GALNS: variants seen among roughly 807,000 people sequenced by gnomAD.
The protein encoded by GALNS is N-acetylgalactosamine-6-sulfatase.
In GALNS, 65 loss-of-function variants were observed where a neutral mutation model predicts 65.9. The ratio of observed to expected loss-of-function variants is 0.99; its 90% CI spans 0.81 to 1.21. The LOEUF (loss-of-function observed/expected upper bound fraction) is 1.21. Among genes scored for constraint, GALNS ranks in the 50% most tolerant of loss-of-function variants. The probability of loss-of-function intolerance (pLI) is 0.00; values close to 1 mark genes in which losing one functional copy is unlikely to be tolerated. For missense variants in GALNS, 776 were observed against 700.7 expected (o/e 1.11, Z -1.21); for synonymous variants, 346 against 288.9 (o/e 1.20, Z -2.00).
intron 1 of GALNS, among the ~76,000 whole-genome samples, chr16:88,850,962 G>A (rs750401351): frequency 6.6e-6 from 1 of 152,228 alleles, no homozygotes; most frequent in East Asian, 1.9e-4. Context: ...CGCCAGCCGA[G>A]GGCAAAAACC....
chr16:88,852,569 G>A (rs960236292), intron 1 of GALNS, among the ~76,000 whole-genome samples: 2 of 152,172 alleles, frequency 1.3e-5, no homozygotes, highest in African/African-American at 2.4e-5. Context: ...TCAGAAAGTC[G>A]GTAATAACCA....
chr16:88,848,970 T>C (rs1442617730), intron 1 of GALNS, among the ~76,000 whole-genome samples: 2 of 152,240 alleles, frequency 1.3e-5, no homozygotes, highest in African/African-American at 4.8e-5. Context: ...AGGCTCAGCT[T>C]GGCAGGGTGG....
At chr16:88,850,331 C>G (rs1179628119) in intron 1 of GALNS, among the ~76,000 whole-genome samples, 1 of 152,154 alleles carries the variant, frequency 6.6e-6, no homozygotes, top group Non-Finnish European at 1.5e-5. Context: ...CGAGGCGGGT[C>G]TGGCCTCCCC....
At chr16:88,829,376 A>G (rs1323206455) in intron 9 of GALNS, among the ~76,000 whole-genome samples, 2 of 152,172 alleles carry the variant, frequency 1.3e-5, no homozygotes, top group African/African-American at 4.8e-5. Flanking sequence ...CCCACCACCC[A>G]TGCTTCTCCT....
chr16:88,839,644 C>A (rs539522341), intron 4 of GALNS, among the ~76,000 whole-genome samples: 13 of 152,360 alleles, frequency 8.5e-5, no homozygotes, highest in South Asian at 2.1e-4. Context: ...GGGACCCCCC[C>A]ACCTGACTGA....
chr16:88,856,382 T>A (rs1438396149), intron 1 of GALNS: 1 of 701,296 alleles, frequency 1.4e-6, no homozygotes, highest in African/African-American at 1.7e-5. Flanking sequence ...GCGCCCACCT[T>A]TCCCAAGAGT....
At chr16:88,844,465 C>A (rs913430288) in intron 1 of GALNS, 1 of 152,280 alleles carries the variant, frequency 6.6e-6, no homozygotes, top group African/African-American at 2.4e-5. Context: ...GAGCGCCCAC[C>A]TCAGCAGGAG....
intron 9 of GALNS, among the ~76,000 whole-genome samples, chr16:88,827,933 C>G (rs1003049073): frequency 3.3e-5 from 5 of 152,236 alleles, no homozygotes; most frequent in African/African-American, 7.2e-5. Context: ...GCACCCTCGC[C>G]GCCTGCAGCC....
chr16:88,852,121 C>G (rs1055894921), intron 1 of GALNS, among the ~76,000 whole-genome samples: 1 of 152,204 alleles, frequency 6.6e-6, no homozygotes, highest in Non-Finnish European at 1.5e-5. Context: ...CCCACTGACA[C>G]CTCATACAGG....
At chr16:88,848,042 T>G (rs1381027468) in intron 1 of GALNS, among the ~76,000 whole-genome samples, 1 of 152,146 alleles carries the variant, frequency 6.6e-6, no homozygotes, top group Non-Finnish European at 1.5e-5. Flanking sequence ...TCACACAGGC[T>G]GTGTGTGTGA....
At chr16:88,828,900 G>T (rs1249181350) in intron 9 of GALNS, among the ~76,000 whole-genome samples, 1 of 152,182 alleles carries the variant, frequency 6.6e-6, no homozygotes, top group Non-Finnish European at 1.5e-5. Context: ...CGGCCTGGTG[G>T]GCACCCACTG....
At chr16:88,856,244 C>T in intron 1 of GALNS, 1 of 703,048 alleles carries the variant, frequency 1.4e-6, no homozygotes. Context: ...AGACAGCCGT[C>T]AGGTAAGACT....
chr16:88,821,084 G>A (rs1490233300), intron 12 of GALNS, among the ~76,000 whole-genome samples: 2 of 152,168 alleles, frequency 1.3e-5, no homozygotes, highest in Non-Finnish European at 2.9e-5. Context: ...GTCCCCCGGG[G>A]GCGTCTGTCT....
intron 9 of GALNS, among the ~76,000 whole-genome samples, chr16:88,829,944 G>C (rs1911317275): frequency 6.6e-6 from 1 of 152,198 alleles, no homozygotes; most frequent in South Asian, 2.1e-4. Flanking sequence ...CTCAAAAGTG[G>C]AACAGGCGCC....
chr16:88,856,685 C>A (rs1442325508), intron 1 of GALNS, 73 bp downstream of exon 1: 23 of 570,202 alleles, frequency 4.0e-5, no homozygotes, highest in Non-Finnish European at 7.1e-5. Context: ...TCCCCCACCT[C>A]GCTCCTCCCT....
chr16:88,854,385 G>A (rs537111618), intron 1 of GALNS, among the ~76,000 whole-genome samples: 3 of 152,328 alleles, frequency 2.0e-5, no homozygotes, highest in South Asian at 4.1e-4. Context: ...GGGCACCTCG[G>A]GGCTCCACTG....
chr16:88,844,774 G>C (rs776087619), intron 1 of GALNS: 1 of 152,254 alleles, frequency 6.6e-6, no homozygotes, highest in African/African-American at 2.4e-5. Context: ...AAACCAATCT[G>C]AATGCAAATA....
chr16:88,819,152 A>C (rs1278284898), intron 12 of GALNS, among the ~76,000 whole-genome samples: 1 of 152,176 alleles, frequency 6.6e-6, no homozygotes, highest in Non-Finnish European at 1.5e-5. Context: ...TTCACACGGA[A>C]GCTGCATGCA....
chr16:88,836,036 C>T (rs983992671), intron 6 of GALNS, among the ~76,000 whole-genome samples, 165 bp downstream of exon 6: 7 of 151,296 alleles, frequency 4.6e-5, no homozygotes, highest in African/African-American at 1.2e-4. Flanking sequence ...GTGCGGTCCC[C>T]GTCCCCACGC....
Sources: allele counts gnomAD v4.1 joint callset (sites outside exome capture counted in the v4.1 genomes callset), GRCh38; gene constraint gnomAD v4.1.1; transcripts MANE v1.5; gene names NCBI Gene and HGNC (gene_info 2026-07-23, HGNC 2026-07-21).